The following MINDY4 variants were observed in gnomAD, a reference collection of about 807,000 sequenced individuals.
MINDY4 encodes the protein MINDY lysine 48 deubiquitinase 4, also known as probable ubiquitin carboxyl-terminal hydrolase MINDY-4.
In MINDY4, 68 loss-of-function variants were observed where a neutral mutation model predicts 87.0. The observed-to-expected ratio is 0.78, with a 90% CI of 0.64 to 0.96. The LOEUF is 0.96. Ranked by LOEUF, MINDY4 falls within the 40% of genes least tolerant of loss-of-function variation. The probability of loss-of-function intolerance (pLI) is 0.00; values close to 1 mark genes in which losing one functional copy is unlikely to be tolerated. For synonymous variants in MINDY4, 379 were observed against 363.2 expected, an observed-to-expected ratio of 1.04 and a Z score of -0.50; for missense variants, 919 against 928.2, an observed-to-expected ratio of 0.99 and a Z score of 0.13.
intron 5 of MINDY4, among the ~76,000 whole-genome samples, chr7:30,826,816 C>T (rs1483546726): frequency 2.0e-5 from 3 of 152,172 alleles, no homozygotes; most frequent in Non-Finnish European, 4.4e-5. Context: ...AAGCAGATGA[C>T]TTTTGAGGCT....
chr7:30,788,810 C>A (rs1054238556), intron 4 of MINDY4, among the ~76,000 whole-genome samples: 3 of 152,192 alleles, frequency 2.0e-5, no homozygotes, highest in African/African-American at 4.8e-5. Flanking sequence ...GGAATGCCTG[C>A]CGTGTCCCTC....
At chr7:30,865,878 G>T (rs750268328) in intron 13 of MINDY4, among the ~76,000 whole-genome samples, 11 of 152,206 alleles carry the variant, frequency 7.2e-5, no homozygotes, top group Non-Finnish European at 1.2e-4. Context: ...TGTGGGAGGG[G>T]TAACAGGAGC....
intron 12 of MINDY4, among the ~76,000 whole-genome samples, chr7:30,856,250 C>G (rs1295813732): frequency 6.6e-6 from 1 of 152,226 alleles, no homozygotes; most frequent in African/African-American, 2.4e-5. Flanking sequence ...CTGACCTCGC[C>G]TTTCAATGCA....
intron 5 of MINDY4, among the ~76,000 whole-genome samples, chr7:30,794,364 C>T (rs2128169183): frequency 6.6e-6 from 1 of 152,210 alleles, no homozygotes; most frequent in African/African-American, 2.4e-5. Flanking sequence ...AGTGAGATGG[C>T]ATCAGAGCTG....
At chr7:30,794,805 A>G (rs965354261) in intron 5 of MINDY4, among the ~76,000 whole-genome samples, 26 of 152,194 alleles carry the variant, frequency 1.7e-4, no homozygotes, top group African/African-American at 5.8e-4. Flanking sequence ...ACTCAGAACC[A>G]TGGGGACTCT....
chr7:30,806,525 G>A (rs759884487), intron 5 of MINDY4, among the ~76,000 whole-genome samples: 1 of 152,314 alleles, frequency 6.6e-6, no homozygotes, highest in East Asian at 1.9e-4. Flanking sequence ...AATAGATGGG[G>A]ATTTTGTGAG....
intron 17 of MINDY4, among the ~76,000 whole-genome samples, chr7:30,884,188 G>A (rs1790561005): frequency 6.6e-6 from 1 of 152,170 alleles, no homozygotes; most frequent in Admixed American, 6.5e-5. Context: ...AGGAAAGCGA[G>A]CCCTTGAGAG....
rs368084111 is a variant in MINDY4, at chr7:30,825,925, C to G, written c.1074-2754C>G. ...AGCTAAAGTCAAGGTGTTGAAAGGG[C>G]TGGTTGTTTCTTGAGGATCCAGGGG... On this transcript the variant is annotated intron_variant, in intron 5 of 17. Transcript: ENST00000265299. 3.3e-5 allele frequency among the ~76,000 whole-genome samples: 5 copies of G among 152,282 alleles called. No individual in the cohort carries two copies. In the East Asian group the frequency reaches 7.7e-4, roughly 23 times the overall value.
intron 17 of MINDY4, among the ~76,000 whole-genome samples, chr7:30,888,264 C>A (rs907614076): frequency 1.3e-5 from 2 of 152,124 alleles, no homozygotes; most frequent in Non-Finnish European, 2.9e-5. Flanking sequence ...TTTTACGGAG[C>A]GAGTGGTCTC....
intron 15 of MINDY4, among the ~76,000 whole-genome samples, chr7:30,876,376 G>T (rs1459825707): frequency 6.6e-6 from 1 of 152,124 alleles, no homozygotes; most frequent in Non-Finnish European, 1.5e-5. Context: ...CAACAACCCT[G>T]TGTCCAAATG....
intron 5 of MINDY4, among the ~76,000 whole-genome samples, chr7:30,809,139 A>G (rs547605467): frequency 1.3e-5 from 2 of 152,330 alleles, no homozygotes; most frequent in Admixed American, 1.3e-4. Flanking sequence ...GGTGTTCTCC[A>G]TAACCCTATA....
chr7:30,887,136 AC>A (rs1790655115), intron 17 of MINDY4, among the ~76,000 whole-genome samples: 1 of 152,048 alleles, frequency 6.6e-6, no homozygotes, highest in Non-Finnish European at 1.5e-5. Flanking sequence ...TCCCTCAGCT[AC>A]CCCCACTCCC....
At chr7:30,783,607 G>A (rs1255917049) in intron 3 of MINDY4, among the ~76,000 whole-genome samples, 1 of 152,156 alleles carries the variant, frequency 6.6e-6, no homozygotes, top group Non-Finnish European at 1.5e-5. Context: ...AGATTCTGGG[G>A]ATCAGGATGT....
intron 13 of MINDY4, among the ~76,000 whole-genome samples, chr7:30,871,525 A>G (rs1562561890): frequency 6.6e-6 from 1 of 152,140 alleles, no homozygotes; most frequent in Non-Finnish European, 1.5e-5. Context: ...GGGATACTGA[A>G]TTGTTCTGGT....
chr7:30,782,369 T>C (rs1405702810), intron 3 of MINDY4, among the ~76,000 whole-genome samples, 157 bp downstream of exon 3: 1 of 146,352 alleles, frequency 6.8e-6, no homozygotes, highest in African/African-American at 2.5e-5. Flanking sequence ...TGTGTGTGTG[T>C]GTGCATGTAT....
At chr7:30,858,942 C>T in intron 12 of MINDY4, 1 of 606,788 alleles carries the variant, frequency 1.6e-6, no homozygotes, top group Non-Finnish European at 3.1e-6. Context: ...GTGATAATGC[C>T]CATTAGATGC....
Position 30,785,912 on chromosome 7 carries a change from A to G in MINDY4, c.583A>G (p.Arg195Gly), listed in dbSNP as rs1787147294. 6.2e-7 allele frequency: 1 copy of G among 1,614,122 alleles called. No homozygotes were observed. Among genetic ancestry groups the G allele is most frequent in the South Asian group, 1.1e-5 (1 of 91,092 alleles). ...LHSEPSLDVK[R>G]MGENSRPKSG... ...CTCGGAGCCTTCCTTGGATGTGAAG[A>G]GGATGGGAGAGAATTCCAGGCCAAA... Residue 195 changes from arginine to glycine, a missense_variant, in exon 4 of 18, where the codon AGG becomes GGG. Physicochemically the swap from Arg to Gly is moderately radical, Grantham distance 125 (BLOSUM62 -2). Transcript: ENST00000265299.
At chr7:30,880,800 G>A (rs1161464496) in intron 15 of MINDY4, among the ~76,000 whole-genome samples, 3 of 152,150 alleles carry the variant, frequency 2.0e-5, no homozygotes, top group Admixed American at 2.0e-4. Flanking sequence ...TTCGGTGTGG[G>A]GGGAGGGGAC....
chr7:30,879,271 G>A (rs140556930), intron 15 of MINDY4, among the ~76,000 whole-genome samples: 2 of 152,280 alleles, frequency 1.3e-5, no homozygotes, highest in African/African-American at 4.8e-5. Flanking sequence ...AAGCAGAGGA[G>A]GTTAGGACAC....
Sources: allele counts gnomAD v4.1 joint callset (sites outside exome capture counted in the v4.1 genomes callset), GRCh38; gene constraint gnomAD v4.1.1; transcripts MANE v1.5; gene names NCBI Gene and HGNC (gene_info 2026-07-23, HGNC 2026-07-21).